The following KBTBD12 variants were observed in gnomAD, a reference collection of about 807,000 sequenced individuals.
The protein encoded by KBTBD12 is kelch repeat and BTB domain-containing protein 12.
KBTBD12 carries 53 observed loss-of-function variants against 58.7 expected under a neutral mutation model. The ratio of observed to expected loss-of-function variants is 0.90; its 90% CI spans 0.72 to 1.14. KBTBD12 has a LOEUF of 1.14. KBTBD12 is among the 50% of genes most tolerant of loss of function. The pLI is 0.00. For synonymous variants in KBTBD12, 236 were observed against 259.8 expected, an observed-to-expected ratio of 0.91 and a Z score of 0.88; for missense variants, 704 against 751.3, an observed-to-expected ratio of 0.94 and a Z score of 0.74.
At chr3:127,937,606 G>C (rs1184057808) in intron 4 of KBTBD12, among the ~76,000 whole-genome samples, 4 of 152,032 alleles carry the variant, frequency 2.6e-5, no homozygotes, top group African/African-American at 9.7e-5. Context: ...GTTCTACAAG[G>C]AGAGGAAAGA....
At chr3:127,941,084 A>G (rs1939940653) in intron 4 of KBTBD12, among the ~76,000 whole-genome samples, 1 of 152,226 alleles carries the variant, frequency 6.6e-6, no homozygotes, top group African/African-American at 2.4e-5. Context: ...ATCTAGTTCC[A>G]AATGGTTTCA....
intron 2 of KBTBD12, among the ~76,000 whole-genome samples, chr3:127,924,903 C>T (rs996726476): frequency 6.6e-6 from 1 of 152,278 alleles, no homozygotes; most frequent in East Asian, 1.9e-4. Flanking sequence ...GTATTTAGCA[C>T]TTAAATCTAA....
chr3:127,933,992 C>T (rs1315173646), intron 4 of KBTBD12, among the ~76,000 whole-genome samples: 1 of 151,708 alleles, frequency 6.6e-6, no homozygotes, highest in African/African-American at 2.4e-5. Flanking sequence ...ATATATTATC[C>T]ATAATGCCCA....
Position 127,973,125 on chromosome 3 carries a change from A to G in KBTBD12, c.1690+9739A>G, listed in dbSNP as rs907622683. Among the ~76,000 whole-genome samples, 4 of 152,208 alleles carry G rather than the reference A, an allele frequency of 2.6e-5. No individual in the cohort carries two copies. The East Asian group carries it at 5.8e-4, about 22-fold the overall frequency. ...TATAATTTTATAGTATTTGCTTCCT[A>G]TATCATTCAGTATAGAGTCTTCTCA... On this transcript the variant is annotated intron_variant, in intron 5 of 5. Transcript: ENST00000405109.
intron 4 of KBTBD12, among the ~76,000 whole-genome samples, chr3:127,932,654 A>C (rs907587644): frequency 6.6e-6 from 1 of 152,152 alleles, no homozygotes; most frequent in Non-Finnish European, 1.5e-5. Flanking sequence ...AGTTGAGTAT[A>C]TTTGGATTGA....
chr3:127,918,695 G>C (rs965440570), intron 1 of KBTBD12, among the ~76,000 whole-genome samples: 1 of 148,506 alleles, frequency 6.7e-6, no homozygotes, highest in African/African-American at 2.5e-5. Flanking sequence ...CTGGGCGACA[G>C]AGCGAGACTC....
chr3:127,986,460 T>G lies in KBTBD12; in HGVS notation c.*2182T>G, dbSNP rs568034225. The G allele has an allele frequency of 1.3e-5, 2 of 152,004 alleles. No homozygotes were observed. Among genetic ancestry groups the G allele is most frequent in the South Asian group, 4.2e-4 (2 of 4,788 alleles). The allele number at this position is 152,004 out of a possible 1,614,324, so 9.4% of individuals were successfully genotyped here. A position where few individuals can be genotyped will look rare whatever the true frequency, so the allele number is the denominator to read the frequency against. ...GTGCTTTAGGGAAGTGGGGCAGATG[T>G]GCATATGGCTTGTGACGGTTCTTTC... On this transcript the variant is annotated 3_prime_UTR_variant, in exon 6 of 6. Coordinates refer to ENST00000405109, the MANE Select transcript of KBTBD12 (RefSeq NM_207335.4).
At chr3:127,971,319 G>C (rs1053310103) in intron 5 of KBTBD12, among the ~76,000 whole-genome samples, 1 of 152,162 alleles carries the variant, frequency 6.6e-6, no homozygotes, top group African/African-American at 2.4e-5. Flanking sequence ...GGGCATCTTG[G>C]TGATAATCAT....
At chr3:127,936,614 T>C (rs1939836387) in intron 4 of KBTBD12, among the ~76,000 whole-genome samples, 1 of 152,188 alleles carries the variant, frequency 6.6e-6, no homozygotes, top group South Asian at 2.1e-4. Flanking sequence ...CTAAGTTGTC[T>C]CAATAAGTAA....
intron 1 of KBTBD12, among the ~76,000 whole-genome samples, chr3:127,919,139 T>C (rs2107585387): frequency 6.6e-6 from 1 of 152,308 alleles, no homozygotes; most frequent in South Asian, 2.1e-4. Flanking sequence ...CTTTCCTCGA[T>C]AAAAATCAGT....
chr3:127,948,009 TC>T (rs1940121653), intron 4 of KBTBD12, among the ~76,000 whole-genome samples: 1 of 152,230 alleles, frequency 6.6e-6, no homozygotes, highest in African/African-American at 2.4e-5. Flanking sequence ...TTCCATGACA[TC>T]TTATAAAGAA....
At chr3:127,963,113 C>A in intron 4 of KBTBD12, 76 bp from the exon 5 acceptor site, 16 of 1,271,036 alleles carry the variant, frequency 1.3e-5, no homozygotes, top group Non-Finnish European at 1.7e-5. Context: ...TTGATACAAA[C>A]CATGCAGGGG....
chr3:127,930,267 T>C lies in KBTBD12; in HGVS notation c.1476T>C (p.Ser492=). 1.2e-6 allele frequency: 2 copies of C among 1,610,040 alleles called. No individual in the cohort carries two copies. Among genetic ancestry groups the C allele is most frequent in the Middle Eastern group, 1.7e-4 (1 of 6,046 alleles). The change falls in exon 4 of 6, where the codon AGT becomes AGC. Residue 492 remains serine, a synonymous_variant. Transcript: ENST00000405109. ...KYRFSTAVVN[S]EIYVLGGIGC... is the part of the protein sequence containing the mutation. ...GATTCAGTACAGCTGTAGTCAACAG[T>C]GAGATTTATGTTTTGGGTAAGAAGA...
chr3:127,917,432 A>G lies in KBTBD12; in HGVS notation c.-113+1846A>G, dbSNP rs569840517. Among the ~76,000 whole-genome samples the G allele has an allele frequency of 3.9e-5, 6 of 152,346 alleles. No individual in the cohort carries two copies. In the South Asian group the frequency reaches 1.2e-3, roughly 32 times the overall value. ...TCGGGAACCCTCCACATGTTCAGCT[A>G]TCCTGGAAGCTCTCCAAACCTTGTC... On this transcript the variant is annotated intron_variant, in intron 1 of 5. Coordinates refer to ENST00000405109, the MANE Select transcript of KBTBD12 (RefSeq NM_207335.4).
chr3:127,924,858 G>A (rs1008641192), intron 2 of KBTBD12, among the ~76,000 whole-genome samples: 3 of 152,112 alleles, frequency 2.0e-5, no homozygotes, highest in Non-Finnish European at 4.4e-5. Flanking sequence ...GAACAAATAG[G>A]TTTATTTACT....
intron 4 of KBTBD12, among the ~76,000 whole-genome samples, chr3:127,943,494 G>GA (rs982243130): frequency 3.3e-5 from 5 of 149,840 alleles, no homozygotes; most frequent in African/African-American, 9.8e-5. Context: ...AATAGATTTT[G>GA]AAAAAAAAAT....
Position 127,923,548 on chromosome 3 carries a change from G to A in KBTBD12, c.487G>A (p.Val163Met). ...ATATTTATATCAGCACTTTGCCGAGGTGAGCTTACATGAAGAAATACTAGA... is the reference window on the plus strand; with the variant it reads ...ATATTTATATCAGCACTTTGCCGAGATGAGCTTACATGAAGAAATACTAGA... ...KKYLYQHFAEVSLHEEILEIE... is the reference protein window; with the variant it reads ...KKYLYQHFAEMSLHEEILEIE... The change falls in exon 2 of 6, where the codon GTG (valine) becomes ATG (methionine). Residue 163 changes from valine (V) to methionine (M), a missense_variant. Transcript: ENST00000405109. 2 of 1,613,138 alleles carry A rather than the reference G, an allele frequency of 1.2e-6. No homozygotes were observed. Among genetic ancestry groups the A allele is most frequent in the Non-Finnish European group, 1.7e-6 (2 of 1,179,660 alleles).
At chr3:127,918,976 G>T (rs778960781) in intron 1 of KBTBD12, among the ~76,000 whole-genome samples, 2 of 151,944 alleles carry the variant, frequency 1.3e-5, no homozygotes, top group African/African-American at 4.8e-5. Context: ...CTTAAAAATG[G>T]TTTTTTTTAA....
intron 5 of KBTBD12, among the ~76,000 whole-genome samples, chr3:127,969,432 TG>T (rs1374391925): frequency 1.3e-5 from 2 of 152,102 alleles, no homozygotes; most frequent in Non-Finnish European, 2.9e-5. Context: ...TCTATATAAA[TG>T]GTAAGATATT....
Sources: gnomAD v4.1 joint callset for allele counts (sites outside exome capture counted in the v4.1 genomes callset) on GRCh38, gnomAD v4.1.1 for gene constraint, MANE v1.5 for transcripts, NCBI Gene and HGNC (gene_info 2026-07-23, HGNC 2026-07-21) for gene names.